The following TNIK variants were observed in gnomAD, a reference collection of about 807,000 sequenced individuals.
The protein encoded by TNIK is TRAF2 and NCK-interacting protein kinase.
A neutral mutation model predicts 191.3 loss-of-function variants in TNIK; 49 were observed. That is an observed-to-expected ratio of 0.26 (90% confidence interval 0.20 to 0.32). TNIK has a LOEUF of 0.32. Ranked by LOEUF, TNIK falls within the 10% of genes least tolerant of loss-of-function variation. The probability of loss-of-function intolerance (pLI) is 1.00; values close to 1 mark genes in which losing one functional copy is unlikely to be tolerated. For missense variants in TNIK, 1,155 were observed against 1,702.3 expected (o/e 0.68, Z 5.66); for synonymous variants, 594 against 600.9 (o/e 0.99, Z 0.17).
rs116531253 is a variant in TNIK at position 171,204,711 on chromosome 3, G to A, written c.306+6405C>T. On this transcript the variant is annotated intron_variant, in intron 4 of 32. Transcript: ENST00000436636. ...GGTCTTACTTGCTCTTTGAATATTG[G>A]GTAAATAGAGGAGTACAGATTAAAG... 6.5e-3 allele frequency among the ~76,000 whole-genome samples: 982 copies of A among 152,072 alleles called. 15 individuals are homozygous for A. The highest frequency in any genetic ancestry group is 0.023 in the African/African-American group (944 of 41,494).
chr3:171,176,256 A>G (rs367943927), intron 8 of TNIK, among the ~76,000 whole-genome samples: 19 of 152,342 alleles, frequency 1.2e-4, no homozygotes, highest in African/African-American at 4.6e-4. Context: ...GAATGAGGGC[A>G]ATTTTGTCAA....
intron 4 of TNIK, among the ~76,000 whole-genome samples, chr3:171,199,968 G>T (rs2108866070): frequency 6.6e-6 from 1 of 152,280 alleles, no homozygotes; most frequent in African/African-American, 2.4e-5. Context: ...AAGAGACAGG[G>T]CTGAAAGATA....
chr3:171,271,851 T>C (rs1234020230), intron 2 of TNIK, among the ~76,000 whole-genome samples: 1 of 152,200 alleles, frequency 6.6e-6, no homozygotes, highest in Non-Finnish European at 1.5e-5. Context: ...AAAAATTAGA[T>C]TTAAATAACT....
At chr3:171,442,939 C>G (rs1000785308) in intron 1 of TNIK, among the ~76,000 whole-genome samples, 3 of 152,174 alleles carry the variant, frequency 2.0e-5, no homozygotes, top group Non-Finnish European at 2.9e-5. Flanking sequence ...GGCTACAATA[C>G]CAGCACAAGT....
At chr3:171,158,953 A>G (rs1202638613) in intron 11 of TNIK, among the ~76,000 whole-genome samples, 1 of 152,124 alleles carries the variant, frequency 6.6e-6, no homozygotes, top group Non-Finnish European at 1.5e-5. Flanking sequence ...GCAACTGAAC[A>G]CCAGCCCGGC....
intron 1 of TNIK, among the ~76,000 whole-genome samples, chr3:171,384,754 A>T (rs901492868): frequency 3.3e-5 from 5 of 152,246 alleles, no homozygotes; most frequent in Non-Finnish European, 7.3e-5. Flanking sequence ...ATTAAAATAC[A>T]TGAAATATAA....
intron 2 of TNIK, among the ~76,000 whole-genome samples, chr3:171,359,883 A>C (rs116065620): frequency 0.019 from 2,819 of 152,280 alleles, 76 homozygotes; most frequent in African/African-American, 0.064. Context: ...TTCATTTTAC[A>C]GGTTACAAAT....
At chr3:171,248,272 G>A (rs946045943) in intron 2 of TNIK, among the ~76,000 whole-genome samples, 1 of 152,162 alleles carries the variant, frequency 6.6e-6, no homozygotes, top group Non-Finnish European at 1.5e-5. Flanking sequence ...AGAGGAGAGT[G>A]GTGGAGATTG....
At chr3:171,278,818 C>CA (rs1249172767) in intron 2 of TNIK, among the ~76,000 whole-genome samples, 2 of 152,142 alleles carry the variant, frequency 1.3e-5, no homozygotes, top group East Asian at 3.9e-4. Context: ...ATGCTTGTGA[C>CA]AAAAACTTTT....
chr3:171,378,691 G>A (rs901700873), intron 1 of TNIK, among the ~76,000 whole-genome samples: 1 of 152,140 alleles, frequency 6.6e-6, no homozygotes, highest in African/African-American at 2.4e-5. Flanking sequence ...CCACAATGCG[G>A]TAAGGTCTGT....
chr3:171,286,190 T>C (rs966346890), intron 2 of TNIK, among the ~76,000 whole-genome samples: 20 of 152,196 alleles, frequency 1.3e-4, no homozygotes, highest in African/African-American at 4.8e-4. Flanking sequence ...GGTTAGCTAT[T>C]ATACTTTAAA....
chr3:171,382,152 G>A (rs187259087), intron 1 of TNIK, among the ~76,000 whole-genome samples: 82 of 151,276 alleles, frequency 5.4e-4, no homozygotes, highest in Middle Eastern at 6.8e-3. Flanking sequence ...CTTCTTTAAA[G>A]GACTCTTCTC....
At chr3:171,096,858 A>G (rs1722791312) in intron 22 of TNIK, among the ~76,000 whole-genome samples, 1 of 152,230 alleles carries the variant, frequency 6.6e-6, no homozygotes, top group African/African-American at 2.4e-5. Context: ...GCTTTGTTTA[A>G]TGTCTAACAG....
chr3:171,459,089 T>C (rs1301224080), intron 1 of TNIK, among the ~76,000 whole-genome samples: 1 of 151,968 alleles, frequency 6.6e-6, no homozygotes, highest in Admixed American at 6.6e-5. Context: ...ATGGATTCTA[T>C]ATCAGTGATG....
intron 10 of TNIK, among the ~76,000 whole-genome samples, chr3:171,163,887 AT>A (rs1325342365): frequency 6.6e-6 from 1 of 152,220 alleles, no homozygotes; most frequent in East Asian, 1.9e-4. Context: ...TAGGGAAAAA[AT>A]ATCAGGTTGA....
rs187085608 is a variant in TNIK at position 171,256,348 on chromosome 3, G to A, written c.124-28127C>T. On this transcript the variant is annotated intron_variant, in intron 2 of 32. Coordinates refer to ENST00000436636, the MANE Select transcript of TNIK (RefSeq NM_015028.4). ...AATTAAAATAAGGAGAAAGAGAATC[G>A]ATAAAGAGGTTAATTAGCTTATGTG... Among the ~76,000 whole-genome samples the A allele has an allele frequency of 2.4e-3, 371 of 152,276 alleles. 2 individuals are homozygous for A. Among genetic ancestry groups the A allele is most frequent in the Non-Finnish European group, 4.1e-3 (282 of 68,024 alleles).
Position 171,159,114 on chromosome 3 carries a change from C to T in TNIK, c.1017-1450G>A, listed in dbSNP as rs1049242424. ...TTTGGCTGCTAAATGGATGACCTAGCGAGGGGTACAGGGGCAAGCACAGCA... is the reference window on the plus strand; with the variant it reads ...TTTGGCTGCTAAATGGATGACCTAGTGAGGGGTACAGGGGCAAGCACAGCA... On this transcript the variant is annotated intron_variant, in intron 11 of 32. Coordinates refer to ENST00000436636, the MANE Select transcript of TNIK (RefSeq NM_015028.4). The surrounding 1 kb of genome is among the most constrained non-coding windows in gnomAD (Gnocchi z 4.1). Among the ~76,000 whole-genome samples, 5 of 152,044 alleles carry T rather than the reference C, an allele frequency of 3.3e-5. No homozygotes were observed. Among genetic ancestry groups the T allele is most frequent in the South Asian group, 2.1e-4 (1 of 4,816 alleles).
chr3:171,183,781 C>T (rs571861576), intron 7 of TNIK, among the ~76,000 whole-genome samples: 13 of 151,988 alleles, frequency 8.6e-5, no homozygotes, highest in East Asian at 7.8e-4. Context: ...ATTCACTGGG[C>T]GTGGTGGCGG....
At chr3:171,109,437 C>A (rs111761033) in intron 19 of TNIK, among the ~76,000 whole-genome samples, 3,569 of 151,924 alleles carry the variant, frequency 0.023, 156 homozygotes, top group African/African-American at 0.083. Context: ...CAGCTGTTGG[C>A]TAGTCCATAT....
Sources: gnomAD v4.1 joint callset for allele counts (sites outside exome capture counted in the v4.1 genomes callset) on GRCh38, gnomAD v4.1.1 for gene constraint, Gnocchi (gnomAD v3.1) non-coding constraint, MANE v1.5 for transcripts, NCBI Gene and HGNC (gene_info 2026-07-23, HGNC 2026-07-21) for gene names.